GATA4: variants seen among roughly 807,000 people sequenced by gnomAD.
GATA4 encodes the protein GATA binding protein 4.
A neutral mutation model predicts 37.9 loss-of-function variants in GATA4; 7 were observed. That is an observed-to-expected ratio of 0.18 (90% CI 0.11 to 0.35). GATA4 has a LOEUF of 0.35. GATA4 is among the 10% of genes least tolerant of loss of function. The pLI, the probability that GATA4 is intolerant of heterozygous loss-of-function variation, is 1.00. For synonymous variants in GATA4, 372 were observed against 292.6 expected (o/e 1.27, Z -2.77); for missense variants, 647 against 653.0 (o/e 0.99, Z 0.10).
Position 11,757,170 on chromosome 8 carries a change from TG to T in GATA4, c.1149+88del. On this transcript the variant is annotated intron_variant, in intron 6 of 6. Coordinates refer to ENST00000532059, the MANE Select transcript of GATA4 (RefSeq NM_001308093.3). ...GGCCAGCCTAGTACTGGGTGGGACT[TG>T]CAGCCAGGCCTCACAGGTGCAAGCA... 3 of 1,559,040 alleles carry T rather than the reference TG, an allele frequency of 1.9e-6. No individual in the cohort carries two copies. In the South Asian group the frequency reaches 3.5e-5, roughly 18 times the overall value.
intron 2 of GATA4, among the ~76,000 whole-genome samples, chr8:11,741,857 T>C (rs1801755521): frequency 1.3e-5 from 2 of 152,268 alleles, no homozygotes; most frequent in South Asian, 4.1e-4. Flanking sequence ...CAGGCCAAAT[T>C]GAGACTGATT....
rs916557946 is a variant in GATA4 at position 11,758,651 on chromosome 8, C to A, written c.*176C>A. The A allele has an allele frequency of 2.9e-6, 2 of 683,386 alleles. No individual in the cohort carries two copies. Among genetic ancestry groups the A allele is most frequent in the African/African-American group, 3.5e-5 (2 of 56,514 alleles). The allele number at this position is 683,386 out of a possible 1,614,324, so 42.3% of individuals were successfully genotyped here. On this transcript the variant is annotated 3_prime_UTR_variant, in exon 7 of 7. Coordinates refer to ENST00000532059, the MANE Select transcript of GATA4 (RefSeq NM_001308093.3). ...TTAGGGGAAGCGGGTGTTGGATTTT[C>A]TCAGATGCCTTTACACGCTGATGGG...
chr8:11,711,867 A>C (rs192478744), intron 2 of GATA4, among the ~76,000 whole-genome samples: 80 of 151,966 alleles, frequency 5.3e-4, no homozygotes, highest in African/African-American at 1.9e-3. Flanking sequence ...ATCACATAGT[A>C]GCTGACCCTG....
intron 1 of GATA4, chr8:11,705,810 T>C (rs936956715): frequency 2.0e-5 from 3 of 152,238 alleles, no homozygotes; most frequent in Admixed American, 2.0e-4. Context: ...AAATATTAGA[T>C]TGATGACATT....
chr8:11,746,003 G>C (rs1802012931), intron 2 of GATA4, among the ~76,000 whole-genome samples: 1 of 152,136 alleles, frequency 6.6e-6, no homozygotes, highest in South Asian at 2.1e-4. Context: ...AATAGGGCTG[G>C]GTGCAGTGGC....
At chr8:11,746,837 G>T (rs1035663456) in intron 2 of GATA4, among the ~76,000 whole-genome samples, 32 of 152,244 alleles carry the variant, frequency 2.1e-4, no homozygotes, top group African/African-American at 7.7e-4. Flanking sequence ...CTGCTGTGAC[G>T]CCTGTGCTCC....
At chr8:11,677,964 G>A (rs1391568175) in intron 1 of GATA4, among the ~76,000 whole-genome samples, 1 of 151,490 alleles carries the variant, frequency 6.6e-6, no homozygotes, top group Non-Finnish European at 1.5e-5. Flanking sequence ...CAAAGTCTGG[G>A]CAAATGAGCC....
intron 1 of GATA4, among the ~76,000 whole-genome samples, chr8:11,693,691 G>C (rs902307022): frequency 2.6e-5 from 4 of 152,078 alleles, no homozygotes; most frequent in African/African-American, 7.2e-5. Flanking sequence ...ACCAGGAGGA[G>C]GTGATGGAAA....
In GATA4 at chr8:11,708,423, C is replaced by G; in HGVS notation, c.111C>G (p.Val37=). Residue 37 remains valine (V), a synonymous_variant, in exon 2 of 7, where the codon GTC becomes GTG. Coordinates refer to ENST00000532059, the MANE Select transcript of GATA4 (RefSeq NM_001308093.3). The surrounding 1 kb of genome is among the most constrained non-coding windows in gnomAD (Gnocchi z 6.7). ...GCGCGGGCGCCGCGTCCTCGCCAGTCTACGTGCCCACACCGCGGGTGCCCT... is the reference window on the plus strand; with the variant it reads ...GCGCGGGCGCCGCGTCCTCGCCAGTGTACGTGCCCACACCGCGGGTGCCCT... ...MHGAGAASSP[V]YVPTPRVPSS... 1 of 1,536,972 alleles carries G rather than the reference C, an allele frequency of 6.5e-7. No individual in the cohort carries two copies. The highest frequency in any genetic ancestry group is 8.7e-7 in the Non-Finnish European group (1 of 1,147,820).
At chr8:11,691,421 C>A (rs1005644097), upstream of GATA4, among the ~76,000 whole-genome samples, 1 of 152,202 alleles carries the variant, frequency 6.6e-6, no homozygotes, top group African/African-American at 2.4e-5. Context: ...CCACCTCAGT[C>A]CTCCTGGTAA....
At chr8:11,727,773 G>A (rs994827627) in intron 2 of GATA4, among the ~76,000 whole-genome samples, 7 of 151,930 alleles carry the variant, frequency 4.6e-5, no homozygotes, top group African/African-American at 1.7e-4. Flanking sequence ...CCTGGGAGGT[G>A]GAGACTGCGG....
chr8:11,730,125 G>C (rs1229170395), intron 2 of GATA4, among the ~76,000 whole-genome samples: 1 of 152,144 alleles, frequency 6.6e-6, no homozygotes, highest in African/African-American at 2.4e-5. Flanking sequence ...TGTTGCCCAG[G>C]CTGGTCTTGA....
At chr8:11,742,016 G>A (rs1801762392) in intron 2 of GATA4, among the ~76,000 whole-genome samples, 1 of 152,182 alleles carries the variant, frequency 6.6e-6, no homozygotes, top group Non-Finnish European at 1.5e-5. Context: ...TTAGCTCTGT[G>A]GCCCTGGGCA....
chr8:11,739,077 AAAAAGTACTTT>A (rs1801598397), intron 2 of GATA4, among the ~76,000 whole-genome samples: 1 of 152,226 alleles, frequency 6.6e-6, no homozygotes, highest in Non-Finnish European at 1.5e-5. Context: ...ACCGAGGTGG[AAAAAGTACTTT>A]GTACTTTTTC....
At chr8:11,756,834 T>C (rs1802592716) in intron 5 of GATA4, 101 bp from the exon 6 acceptor site, 1 of 1,501,282 alleles carries the variant, frequency 6.7e-7, no homozygotes, top group Non-Finnish European at 9.3e-7. Flanking sequence ...CAAATGTAGA[T>C]AAAGCCATTA....
chr8:11,756,573 G>C (rs1034425345), intron 5 of GATA4: 3 of 363,338 alleles, frequency 8.3e-6, no homozygotes, highest in Admixed American at 8.0e-5. Flanking sequence ...GTGTTTTGCT[G>C]TGGGGATATT....
intron 2 of GATA4, among the ~76,000 whole-genome samples, chr8:11,745,703 A>T (rs1358418569): frequency 6.6e-6 from 1 of 152,226 alleles, no homozygotes; most frequent in Non-Finnish European, 1.5e-5. Context: ...AACAAGAGGA[A>T]CACATTATGA....
intron 2 of GATA4, among the ~76,000 whole-genome samples, chr8:11,723,990 C>T (rs192249864): frequency 1.3e-5 from 2 of 152,294 alleles, no homozygotes; most frequent in African/African-American, 2.4e-5. Context: ...TTCCCTCCAG[C>T]CTCAGGCAGC....
chr8:11,709,389 C>T lies in GATA4; in HGVS notation c.616+461C>T, dbSNP rs539570016. Among the ~76,000 whole-genome samples, 16 of 152,342 alleles carry T rather than the reference C, an allele frequency of 1.1e-4. No individual in the cohort carries two copies. Among genetic ancestry groups the T allele is most frequent in the Admixed American group, 7.2e-4 (11 of 15,312 alleles). ...TGATTACAATGGTTTGGACCGCAGA[C>T]CTTCTGGGCCATTTGGCGGCCCAGC... On this transcript the variant is annotated intron_variant, in intron 2 of 6. Coordinates refer to ENST00000532059, the MANE Select transcript of GATA4 (RefSeq NM_001308093.3). The surrounding 1 kb of genome is among the most constrained non-coding windows in gnomAD (Gnocchi z 4.3).
Sources: allele counts gnomAD v4.1 joint callset (sites outside exome capture counted in the v4.1 genomes callset), GRCh38; gene constraint gnomAD v4.1.1; non-coding constraint Gnocchi (gnomAD v3.1); transcripts MANE v1.5; gene names NCBI Gene and HGNC (gene_info 2026-07-23, HGNC 2026-07-21).